Variants in RABGAP1 observed in about 807,000 individuals in gnomAD.
RABGAP1 encodes RAB GTPase activating protein 1.
Under a neutral mutation model 137.6 loss-of-function variants are expected in RABGAP1, and 23 were observed. The observed-to-expected ratio is 0.17, with a 90% confidence interval of 0.12 to 0.24. RABGAP1 has a LOEUF of 0.24. Ranked by LOEUF, RABGAP1 falls within the 10% of genes least tolerant of loss-of-function variation. The pLI, the probability that RABGAP1 is intolerant of heterozygous loss-of-function variation, is 1.00. For missense variants in RABGAP1, 906 were observed against 1,275.8 expected (o/e 0.71, Z 4.42); for synonymous variants, 451 against 450.7 (o/e 1.00, Z -0.01).
At chr9:123,085,025 C>T (rs958329534) in intron 19 of RABGAP1, among the ~76,000 whole-genome samples, 5 of 152,198 alleles carry the variant, frequency 3.3e-5, no homozygotes, top group African/African-American at 1.2e-4. Context: ...TTGCCCTTGC[C>T]GTCCCTGTCT....
chr9:122,967,283 C>A (rs1188100545), intron 2 of RABGAP1, among the ~76,000 whole-genome samples: 1 of 152,006 alleles, frequency 6.6e-6, no homozygotes, highest in Non-Finnish European at 1.5e-5. Flanking sequence ...AATAGGAGAT[C>A]AGAAAGAAGT....
chr9:122,986,488 C>G (rs566018630), intron 4 of RABGAP1, 69 bp downstream of exon 4: 21 of 1,469,832 alleles, frequency 1.4e-5, no homozygotes, highest in Non-Finnish European at 2.0e-5. Flanking sequence ...CAGAAAGAAG[C>G]AATAGTGAAT....
intron 8 of RABGAP1, chr9:122,997,051 G>T: frequency 3.4e-6 from 2 of 583,238 alleles, no homozygotes; most frequent in East Asian, 3.1e-5. Context: ...TATACAATTT[G>T]ATATTCGTAA....
intron 12 of RABGAP1, among the ~76,000 whole-genome samples, chr9:123,017,613 G>T (rs1031143393): frequency 3.3e-5 from 5 of 152,134 alleles, no homozygotes; most frequent in Non-Finnish European, 5.9e-5. Flanking sequence ...TTTAAGCTGT[G>T]TGGTCTTAGA....
At chr9:123,051,709 C>T (rs2033480805) in intron 13 of RABGAP1, among the ~76,000 whole-genome samples, 3 of 151,798 alleles carry the variant, frequency 2.0e-5, no homozygotes, top group Non-Finnish European at 4.4e-5. Context: ...TGTGTCATAC[C>T]AATTTTAGTT....
intron 12 of RABGAP1, 126 bp from the exon 13 acceptor site, chr9:123,020,183 T>C (rs2031531808): frequency 3.6e-6 from 3 of 827,378 alleles, no homozygotes; most frequent in South Asian, 4.7e-5. Context: ...CACTTTTTTT[T>C]CCCTTTATTA....
chr9:123,019,387 GC>G (rs2031461094), intron 12 of RABGAP1, among the ~76,000 whole-genome samples: 1 of 151,776 alleles, frequency 6.6e-6, no homozygotes, highest in African/African-American at 2.4e-5. Context: ...GTGCAGTGGT[GC>G]GGTCTCTCAC....
At chr9:123,044,941 G>T (rs1485479157) in intron 13 of RABGAP1, among the ~76,000 whole-genome samples, 1 of 152,056 alleles carries the variant, frequency 6.6e-6, no homozygotes, top group Non-Finnish European at 1.5e-5. Context: ...ACAGACTAAA[G>T]ACTGTAATGA....
At chr9:123,059,629 T>A (rs756657692) in intron 13 of RABGAP1, among the ~76,000 whole-genome samples, 5 of 152,058 alleles carry the variant, frequency 3.3e-5, no homozygotes, top group Non-Finnish European at 7.4e-5. Context: ...GATGGGGCCT[T>A]TGGGAGGTGA....
In RABGAP1 at chr9:123,103,264, C is replaced by T; in HGVS notation, c.*51C>T. On this transcript the variant is annotated 3_prime_UTR_variant, in exon 26 of 26. Transcript: ENST00000373647. ...TCAGAAAACACGACACCTTTTGTTG[C>T]CTTCTTTGGCCAGATGTGTGATTCT... The T allele has an allele frequency of 6.2e-7, 1 of 1,604,386 alleles. No homozygotes were observed. The highest frequency in any genetic ancestry group is 8.5e-7 in the Non-Finnish European group (1 of 1,175,738).
At position 123,089,930 on chromosome 9, in the gene RABGAP1, A is replaced by C. The variant is rs546411636; in HGVS notation, c.2517+80A>C. The C allele has an allele frequency of 9.4e-5, 117 of 1,246,340 alleles. 2 individuals carry two copies. In the South Asian group the frequency reaches 1.5e-3, roughly 16 times the overall value. The allele number at this position is 1,246,340 out of a possible 1,614,324, so 77.2% of individuals were successfully genotyped here. ...ATTGCGCCTGTAACTAGCTTTATTG[A>C]GTCCTTTTTAAAATTCAATTCCTCT... On this transcript the variant is annotated intron_variant, in intron 20 of 25. Coordinates refer to ENST00000373647, the MANE Select transcript of RABGAP1 (RefSeq NM_012197.4).
At chr9:123,027,656 G>A (rs556729462) in intron 13 of RABGAP1, among the ~76,000 whole-genome samples, 1 of 152,300 alleles carries the variant, frequency 6.6e-6, no homozygotes, top group South Asian at 2.1e-4. Context: ...GTTGGCCATG[G>A]AGGAGGAAGC....
At chr9:123,084,969 G>A (rs754385417) in intron 19 of RABGAP1, among the ~76,000 whole-genome samples, 10 of 152,154 alleles carry the variant, frequency 6.6e-5, no homozygotes, top group Admixed American at 2.6e-4. Flanking sequence ...GTACCACGTC[G>A]CGCCTGCCCA....
At chr9:122,969,756 A>G (rs1179122518) in intron 2 of RABGAP1, among the ~76,000 whole-genome samples, 4 of 152,178 alleles carry the variant, frequency 2.6e-5, no homozygotes, top group Non-Finnish European at 4.4e-5. Context: ...TGTAGAGACA[A>G]GGTCTTCATA....
intron 12 of RABGAP1, 76 bp from the exon 13 acceptor site, chr9:123,020,233 G>A: frequency 7.9e-7 from 1 of 1,259,898 alleles, no homozygotes; most frequent in East Asian, 2.6e-5. Flanking sequence ...CATTTAAATT[G>A]ACTTTGATAA....
intron 12 of RABGAP1, among the ~76,000 whole-genome samples, chr9:123,019,371 G>A (rs986273540): frequency 1.3e-5 from 2 of 152,062 alleles, no homozygotes; most frequent in African/African-American, 4.8e-5. Context: ...TGTCACCCAG[G>A]CTGGAGTGCA....
intron 10 of RABGAP1, among the ~76,000 whole-genome samples, chr9:122,999,879 C>T (rs1837232499): frequency 6.6e-6 from 1 of 151,356 alleles, no homozygotes; most frequent in African/African-American, 2.4e-5. Context: ...TTTCTGTTTT[C>T]TTCAGATGGG....
intron 2 of RABGAP1, among the ~76,000 whole-genome samples, chr9:122,969,606 AT>A (rs1324408721): frequency 6.6e-6 from 1 of 152,074 alleles, no homozygotes; most frequent in Non-Finnish European, 1.5e-5. Context: ...GAAACCTTGT[AT>A]CGTTTCTCAG....
chr9:123,077,933 A>G (rs10985883), intron 19 of RABGAP1, among the ~76,000 whole-genome samples: 21,708 of 152,180 alleles, frequency 0.14, 2,125 homozygotes, highest in Middle Eastern at 0.21. Context: ...ACCCCAAGAA[A>G]TGTTTAAATG....
Sources: gnomAD v4.1 joint callset for allele counts (sites outside exome capture counted in the v4.1 genomes callset) on GRCh38, gnomAD v4.1.1 for gene constraint, MANE v1.5 for transcripts, NCBI Gene and HGNC (gene_info 2026-07-23, HGNC 2026-07-21) for gene names.